The following MCU variants were observed in gnomAD, a reference collection of about 807,000 sequenced individuals.
The protein encoded by MCU is mitochondrial calcium uniporter, also known as calcium uniporter protein, mitochondrial.
Under a neutral mutation model 45.2 loss-of-function variants are expected in MCU, and 12 were observed. The ratio of observed to expected loss-of-function variants is 0.27; its 90% CI spans 0.17 to 0.43. MCU has a LOEUF of 0.43. Among genes scored for constraint, MCU ranks in the 20% least tolerant of loss-of-function variants. The pLI is 1.00. For synonymous variants in MCU, 160 were observed against 165.1 expected, an observed-to-expected ratio of 0.97 and a Z score of 0.24; for missense variants, 324 against 436.7, an observed-to-expected ratio of 0.74 and a Z score of 2.30.
At chr10:72,883,215 T>G (rs929677727) in intron 6 of MCU, among the ~76,000 whole-genome samples, 1 of 152,006 alleles carries the variant, frequency 6.6e-6, no homozygotes, top group Non-Finnish European at 1.5e-5. Flanking sequence ...TGCCTAGAAC[T>G]GGGGGTTTGG....
At chr10:72,742,484 A>T (rs1183680471) in intron 1 of MCU, among the ~76,000 whole-genome samples, 1 of 152,010 alleles carries the variant, frequency 6.6e-6, no homozygotes, top group Non-Finnish European at 1.5e-5. Context: ...TCATTCAGCT[A>T]TTTTTTTAGA....
intron 1 of MCU, among the ~76,000 whole-genome samples, chr10:72,751,504 A>G (rs1843498378): frequency 6.8e-6 from 1 of 147,544 alleles, no homozygotes; most frequent in Non-Finnish European, 1.5e-5. Flanking sequence ...ACAGGCATGC[A>G]CCACAATGCC....
chr10:72,756,070 C>T (rs193039135), intron 1 of MCU, among the ~76,000 whole-genome samples: 2 of 152,170 alleles, frequency 1.3e-5, no homozygotes, highest in East Asian at 1.9e-4. Context: ...AAGTGGGTCT[C>T]GAACTCCTGG....
chr10:72,708,900 C>T (rs1406762461), intron 1 of MCU, among the ~76,000 whole-genome samples: 3 of 152,002 alleles, frequency 2.0e-5, no homozygotes, highest in African/African-American at 7.3e-5. Context: ...GTTTGTAATC[C>T]CAGCACTTTG....
intron 1 of MCU, among the ~76,000 whole-genome samples, chr10:72,724,513 C>T (rs564512406): frequency 6.6e-6 from 1 of 152,234 alleles, no homozygotes; most frequent in Non-Finnish European, 1.5e-5. Flanking sequence ...ACCACCCCCT[C>T]CCCCACAAGT....
chr10:72,725,218 C>T (rs958536469), intron 1 of MCU, among the ~76,000 whole-genome samples: 11 of 151,450 alleles, frequency 7.3e-5, no homozygotes, highest in South Asian at 2.1e-4. Flanking sequence ...CTCCACCTCC[C>T]GGGTTCCCGC....
rs535150023 is a variant in MCU at position 72,851,271 on chromosome 10, A to G, written c.221-7906A>G. The stretch of plus-strand genomic sequence containing the variant: ...ATTCTCTGTTGACTTTGTCTCAGTT[A>G]TTTTAAAACAGTAACCCCTAAGCAT... On this transcript the variant is annotated intron_variant, in intron 2 of 7. Transcript: ENST00000373053. Among the ~76,000 whole-genome samples, 4 of 152,324 alleles carry G rather than the reference A, an allele frequency of 2.6e-5. No homozygotes were observed. In the East Asian group the frequency reaches 5.8e-4, roughly 22 times the overall value.
chr10:72,877,463 G>T (rs866277190), intron 6 of MCU, among the ~76,000 whole-genome samples: 1 of 151,882 alleles, frequency 6.6e-6, no homozygotes, highest in Non-Finnish European at 1.5e-5. Flanking sequence ...TTTTAAAAAG[G>T]CTTCCACAAA....
At chr10:72,873,021 T>G (rs1309416159) in intron 6 of MCU, among the ~76,000 whole-genome samples, 5 of 137,680 alleles carry the variant, frequency 3.6e-5, no homozygotes, top group African/African-American at 1.1e-4. Flanking sequence ...GGGTTTTTTT[T>G]TTTTTTTTTT....
chr10:72,847,529 A>G (rs1046342101), intron 2 of MCU, among the ~76,000 whole-genome samples: 11 of 152,200 alleles, frequency 7.2e-5, no homozygotes, highest in African/African-American at 2.7e-4. Context: ...AAAATACTAT[A>G]TATAGGGTTC....
At chr10:72,758,261 A>G (rs954086903) in intron 1 of MCU, among the ~76,000 whole-genome samples, 9 of 152,224 alleles carry the variant, frequency 5.9e-5, no homozygotes, top group Non-Finnish European at 1.3e-4. Context: ...GTTGGCCTCA[A>G]ACACCTGAGC....
At chr10:72,836,282 A>G (rs1844955115) in intron 2 of MCU, among the ~76,000 whole-genome samples, 1 of 152,184 alleles carries the variant, frequency 6.6e-6, no homozygotes, top group South Asian at 2.1e-4. Flanking sequence ...AAGAATATCA[A>G]CCAAGTCACA....
chr10:72,881,883 C>A (rs961993055), intron 6 of MCU, among the ~76,000 whole-genome samples: 44 of 152,060 alleles, frequency 2.9e-4, no homozygotes, highest in African/African-American at 1.0e-3. Context: ...CATAATAGCC[C>A]CAACGTGGAA....
At chr10:72,884,706 T>C (rs757484535) in intron 7 of MCU, among the ~76,000 whole-genome samples, 2 of 152,052 alleles carry the variant, frequency 1.3e-5, no homozygotes, top group Non-Finnish European at 2.9e-5. Context: ...TTCCCTCTGC[T>C]TTTTGATTAT....
At chr10:72,766,012 A>G (rs1843721714) in intron 1 of MCU, among the ~76,000 whole-genome samples, 1 of 152,044 alleles carries the variant, frequency 6.6e-6, no homozygotes, top group South Asian at 2.1e-4. Context: ...GACTACAGGC[A>G]TGTGCCACCA....
chr10:72,786,239 C>G (rs1481548432), intron 1 of MCU, among the ~76,000 whole-genome samples: 1 of 152,010 alleles, frequency 6.6e-6, no homozygotes, highest in Non-Finnish European at 1.5e-5. Context: ...TTGTGTTATA[C>G]TTGAACACAT....
intron 1 of MCU, among the ~76,000 whole-genome samples, chr10:72,799,488 A>ATT (rs1202071479): frequency 2.6e-4 from 38 of 145,404 alleles, no homozygotes; most frequent in African/African-American, 9.3e-4. Context: ...AATATATAAC[A>ATT]TTTTTTTTTT....
At chr10:72,746,049 G>A (rs1843410884) in intron 1 of MCU, among the ~76,000 whole-genome samples, 1 of 151,970 alleles carries the variant, frequency 6.6e-6, no homozygotes. Context: ...TTGTTTCCTT[G>A]CATCCAGTTT....
intron 1 of MCU, among the ~76,000 whole-genome samples, chr10:72,710,766 T>C (rs1842882735): frequency 6.6e-6 from 1 of 152,046 alleles, no homozygotes; most frequent in African/African-American, 2.4e-5. Flanking sequence ...TCCTTAGACC[T>C]CTCTCCCAAA....
Sources: allele counts gnomAD v4.1 joint callset (sites outside exome capture counted in the v4.1 genomes callset), GRCh38; gene constraint gnomAD v4.1.1; transcripts MANE v1.5; gene names NCBI Gene and HGNC (gene_info 2026-07-23, HGNC 2026-07-21).